The following KNDC1 variants were observed in gnomAD, a reference collection of about 807,000 sequenced individuals.
KNDC1 encodes the protein kinase non-catalytic C-lobe domain containing 1.
KNDC1 carries 106 observed loss-of-function variants against 172.8 expected under a neutral mutation model. The observed-to-expected ratio is 0.61, with a 90% CI of 0.52 to 0.72. The LOEUF (loss-of-function observed/expected upper bound fraction) is 0.72, where lower values mean the gene tolerates loss of function less well. KNDC1 is among the 30% of genes least tolerant of loss of function. The probability of loss-of-function intolerance (pLI) is 0.00; values close to 1 mark genes in which losing one functional copy is unlikely to be tolerated. For synonymous variants in KNDC1, 1,083 were observed against 1,062.2 expected, an observed-to-expected ratio of 1.02 and a Z score of -0.38; for missense variants, 2,325 against 2,394.5, an observed-to-expected ratio of 0.97 and a Z score of 0.61.
chr10:133,200,808 G>A lies in KNDC1; in HGVS notation c.2989+348G>A, dbSNP rs377500386. Among the ~76,000 whole-genome samples the A allele has an allele frequency of 1.2e-4, 18 of 152,314 alleles. No individual in the cohort carries two copies. The East Asian group carries it at 2.3e-3, about 20-fold the overall frequency. ...AGCCGCCGGGAGCCAGGTGGGATCC[G>A]CTCTCCAAGCAGAGGGGGGCCTGTG... is the stretch of plus-strand genomic sequence containing the variant. On this transcript the variant is annotated intron_variant, in intron 16 of 29. Coordinates refer to ENST00000304613, the MANE Select transcript of KNDC1 (RefSeq NM_152643.8).
chr10:133,174,485 AGT>A (rs1853469167), intron 3 of KNDC1, among the ~76,000 whole-genome samples: 1 of 152,250 alleles, frequency 6.6e-6, no homozygotes, highest in Non-Finnish European at 1.5e-5. Context: ...TGTATCAGGC[AGT>A]GTCAACCAAT....
At position 133,199,561 on chromosome 10, in the gene KNDC1, C is replaced by A; in HGVS notation, c.2862C>A (p.Asn954Lys). 1 of 1,613,850 alleles carries A rather than the reference C, an allele frequency of 6.2e-7. No homozygotes were observed. Among genetic ancestry groups the A allele is most frequent in the South Asian group, 1.1e-5 (1 of 91,090 alleles). The change falls in exon 15 of 30, where the codon AAC (asparagine) becomes AAA (lysine). Residue 954 changes from asparagine (N) to lysine (K), a missense_variant. Physicochemically the swap from Asn to Lys is moderately conservative, Grantham distance 94. Transcript: ENST00000304613. ...ACTGGGATGAGAAGTTGCTGCAGAA[C>A]CTCTTTAAGGTGGTCAACGGGCAGG... is the stretch of plus-strand genomic sequence containing the variant. ...DLYWDEKLLQ[N>K]LFKVVNGQAS... is the part of the protein sequence containing the mutation.
intron 3 of KNDC1, among the ~76,000 whole-genome samples, chr10:133,175,423 A>G (rs200774725): frequency 2.5e-4 from 13 of 51,536 alleles, no homozygotes; most frequent in South Asian, 3.9e-3. Flanking sequence ...GTGGATGGGT[A>G]GATGAATGGA....
chr10:133,162,358 A>C (rs1448849809), intron 1 of KNDC1, among the ~76,000 whole-genome samples: 4 of 152,194 alleles, frequency 2.6e-5, no homozygotes, highest in Admixed American at 2.0e-4. Context: ...GTGAGGTTGC[A>C]TCATCATCCC....
chr10:133,178,679 A>G (rs1234710797), intron 3 of KNDC1, among the ~76,000 whole-genome samples: 2 of 152,076 alleles, frequency 1.3e-5, no homozygotes, highest in Non-Finnish European at 2.9e-5. Flanking sequence ...TGAGTCTCTC[A>G]TGACCCCACA....
At chr10:133,182,098 G>A (rs1853734453) in intron 3 of KNDC1, among the ~76,000 whole-genome samples, 1 of 152,188 alleles carries the variant, frequency 6.6e-6, no homozygotes, top group African/African-American at 2.4e-5. Flanking sequence ...GCCTGACCCT[G>A]AGACAGACCC....
chr10:133,198,300 T>A, intron 12 of KNDC1, 37 bp from the exon 13 acceptor site: 1 of 1,512,624 alleles, frequency 6.6e-7, no homozygotes, highest in Non-Finnish European at 8.9e-7. Flanking sequence ...CTGGGGCCAC[T>A]CCGCCCGCCC....
rs199960456 is a variant in KNDC1, at chr10:133,211,694, G to T, written c.4072G>T (p.Gly1358Cys). 9 of 1,599,102 alleles carry T rather than the reference G, an allele frequency of 5.6e-6. No individual in the cohort carries two copies. In the African/African-American group the frequency reaches 1.1e-4, roughly 19 times the overall value. Residue 1358 changes from glycine (G) to cysteine (C), a missense_variant, in exon 23 of 30, where the codon GGC becomes TGC. Transcript: ENST00000304613. The stretch of plus-strand genomic sequence containing the variant: ...TTCTGCCTAGATCCTACCCCTGGAC[G>T]GCTCTGCCAAGCACCTGCTGGGCCT... The part of the protein sequence containing the change: ...FISSKILPLD[G>C]SAKHLLGLLE...
chr10:133,219,035 G>C lies in KNDC1; in HGVS notation c.4805G>C (p.Trp1602Ser). 3 of 1,614,024 alleles carry C rather than the reference G, an allele frequency of 1.9e-6. No homozygotes were observed. Among genetic ancestry groups the C allele is most frequent in the South Asian group, 1.1e-5 (1 of 91,074 alleles). ...EHLAVRQSPA[W>S]RILPAKIAEV... is the part of the protein sequence containing the mutation. ...TCACCTGTGCTTTCATTTCAGGCCT[G>C]GAGAATTCTGCCTGCAAAGATAGCA... The change falls in exon 28 of 30, where the codon TGG becomes TCG. Residue 1602 changes from tryptophan (W) to serine (S), a missense_variant. Trp to Ser is a radical substitution (Grantham distance 177). Transcript: ENST00000304613.
intron 26 of KNDC1, among the ~76,000 whole-genome samples, chr10:133,216,487 G>C (rs1258153380): frequency 6.6e-6 from 1 of 152,026 alleles, no homozygotes. Flanking sequence ...GATCAGCTTG[G>C]ACAACATATC....
intron 12 of KNDC1, 29 bp from the exon 13 acceptor site, chr10:133,198,308 C>T (rs377378606): frequency 2.3e-5 from 35 of 1,532,408 alleles, no homozygotes; most frequent in African/African-American, 2.7e-5. Flanking sequence ...ACTCCGCCCG[C>T]CCACACCCTC....
chr10:133,189,285 G>A lies in KNDC1; in HGVS notation c.1442-313G>A, dbSNP rs1034320226. 9.2e-5 allele frequency among the ~76,000 whole-genome samples: 14 copies of A among 152,264 alleles called. No homozygotes were observed. The East Asian group carries it at 1.7e-3, about 19-fold the overall frequency. ...TGCCCCGTGGGCCCTGACTCGGGAC[G>A]GGGCCTGTGACACGGGGGCTTCAAG... On this transcript the variant is annotated intron_variant, in intron 7 of 29. Coordinates refer to ENST00000304613, the MANE Select transcript of KNDC1 (RefSeq NM_152643.8).
At chr10:133,215,049 G>T (rs554142787) in intron 26 of KNDC1, among the ~76,000 whole-genome samples, 38 of 152,322 alleles carry the variant, frequency 2.5e-4, no homozygotes, top group African/African-American at 8.2e-4. Context: ...CTCAGCTGGC[G>T]CTTGGCTGTC....
intron 5 of KNDC1, among the ~76,000 whole-genome samples, chr10:133,184,394 ACG>A (rs1483489452): frequency 1.0e-4 from 7 of 68,264 alleles, no homozygotes; most frequent in Middle Eastern, 8.8e-3. Context: ...GCGCACACAC[ACG>A]CACACACGCA....
chr10:133,224,704 C>G lies in KNDC1; in HGVS notation c.5064C>G (p.Asn1688Lys). 6.2e-7 allele frequency: 1 copy of G among 1,614,078 alleles called. No homozygotes were observed. The highest frequency in any genetic ancestry group is 8.5e-7 in the Non-Finnish European group (1 of 1,180,014). ...VVSQVHAFQENPYTFSPDPKL... is the reference protein window; with the variant it reads ...VVSQVHAFQEKPYTFSPDPKL... ...GCCAGGTGCACGCGTTCCAGGAGAA[C>G]CCTTACACCTTCAGCCCCGACCCCA... The change falls in exon 30 of 30, where the codon AAC becomes AAG. Residue 1688 changes from asparagine to lysine, a missense_variant. Coordinates refer to ENST00000304613, the MANE Select transcript of KNDC1 (RefSeq NM_152643.8). This position sits in a 1 kb window ranked among gnomAD's most constrained non-coding sequence, Gnocchi z 5.4.
chr10:133,198,156 G>A (rs1854246524), intron 12 of KNDC1, among the ~76,000 whole-genome samples, 181 bp from the exon 13 acceptor site: 1 of 152,160 alleles, frequency 6.6e-6, no homozygotes. Context: ...CCTCCCCCAA[G>A]CACCAGTCTC....
At position 133,168,279 on chromosome 10, in the gene KNDC1, C is replaced by T; in HGVS notation, c.327C>T (p.Pro109=). ...LSDDPEGAFV[P]PEFDVTGNTF... ...ACGACCCTGAGGGTGCCTTCGTTCC[C>T]CCCGAGTTCGACGTGACCGGGAACA... is the stretch of plus-strand genomic sequence containing the variant. The change falls in exon 3 of 30, where the codon CCC becomes CCT. Residue 109 remains proline (P), a synonymous_variant. Transcript: ENST00000304613. 2 of 1,614,188 alleles carry T rather than the reference C, an allele frequency of 1.2e-6. No individual in the cohort carries two copies. The highest frequency in any genetic ancestry group is 1.1e-5 in the South Asian group (1 of 91,080).
At position 133,160,366 on chromosome 10, in the gene KNDC1, G is replaced by C; in HGVS notation, c.-102G>C. 2.2e-6 allele frequency: 1 copy of C among 461,246 alleles called. No individual in the cohort carries two copies. Among genetic ancestry groups the C allele is most frequent in the Non-Finnish European group, 3.2e-6 (1 of 315,642 alleles). 28.6% of individuals were successfully genotyped at this position (461,246 alleles called of 1,614,324 possible). ...GCGGCAGCGGCGGGCGGGCGGGGGCGGGCGAGGGCCGGGCGCGTCTCCATG... is the reference window on the plus strand; with the variant it reads ...GCGGCAGCGGCGGGCGGGCGGGGGCCGGCGAGGGCCGGGCGCGTCTCCATG... On this transcript the variant is annotated 5_prime_UTR_variant, in exon 1 of 30. Transcript: ENST00000304613.
intron 3 of KNDC1, among the ~76,000 whole-genome samples, chr10:133,170,909 G>T (rs892723340): frequency 6.6e-6 from 1 of 152,132 alleles, no homozygotes; most frequent in African/African-American, 2.4e-5. Flanking sequence ...GATGACCAAG[G>T]CAAATGCCGT....
Sources: allele counts gnomAD v4.1 joint callset (sites outside exome capture counted in the v4.1 genomes callset), GRCh38; gene constraint gnomAD v4.1.1; non-coding constraint Gnocchi (gnomAD v3.1); transcripts MANE v1.5; gene names NCBI Gene and HGNC (gene_info 2026-07-23, HGNC 2026-07-21).